Variants in STX17 observed in about 807,000 individuals in gnomAD.
The protein encoded by STX17 is syntaxin 17.
STX17 carries 29 observed loss-of-function variants against 35.9 expected under a neutral mutation model. The ratio of observed to expected loss-of-function variants is 0.81; its 90% confidence interval spans 0.60 to 1.10. The LOEUF (loss-of-function observed/expected upper bound fraction) is 1.10, where lower values mean the gene tolerates loss of function less well. Ranked by LOEUF, STX17 falls within the 50% of genes least tolerant of loss-of-function variation. The probability of loss-of-function intolerance (pLI) is 0.00; values close to 1 mark genes in which losing one functional copy is unlikely to be tolerated. For synonymous variants in STX17, 92 were observed against 118.3 expected (o/e 0.78, Z 1.44); for missense variants, 312 against 352.3 (o/e 0.89, Z 0.92).
In STX17 at chr9:99,965,283, A is replaced by C. The variant is rs144461660; in HGVS notation, c.583-2370A>C. On this transcript the variant is annotated intron_variant, in intron 6 of 7. Transcript: ENST00000259400. ...TAAAATTTTGCTTTAATTTTTAAAA[A>C]GTCATAGAAGTACAATATCCAACCC... is the stretch of plus-strand genomic sequence containing the variant. Among the ~76,000 whole-genome samples, 36 of 152,352 alleles carry C rather than the reference A, an allele frequency of 2.4e-4. No individual in the cohort carries two copies. The East Asian group carries it at 6.4e-3, about 27-fold the overall frequency.
At chr9:99,927,910 A>T (rs1829022554) in intron 2 of STX17, among the ~76,000 whole-genome samples, 1 of 152,198 alleles carries the variant, frequency 6.6e-6, no homozygotes, top group African/African-American at 2.4e-5. Context: ...GGAATATAAA[A>T]ATGCCCTAGA....
rs2118563104 is a variant in STX17, at chr9:99,971,305, ACATAAT to A, written c.*2634_*2639del. Among the ~76,000 whole-genome samples, 1 of 147,640 alleles carries A rather than the reference ACATAAT, an allele frequency of 6.8e-6. No homozygotes were observed. Among genetic ancestry groups the A allele is most frequent in the Non-Finnish European group, 1.5e-5 (1 of 66,904 alleles). Reference sequence around the variant, plus strand: ...CCTAAGGACTTTTTTTTTTTTTTTAACATAATCTGAGAATTTCTCTGTAGAGCAGAG... The same window carrying A: ...CCTAAGGACTTTTTTTTTTTTTTTAACTGAGAATTTCTCTGTAGAGCAGAG... On this transcript the variant is annotated 3_prime_UTR_variant, in exon 8 of 8. Coordinates refer to ENST00000259400, the MANE Select transcript of STX17 (RefSeq NM_017919.3).
chr9:99,964,668 T>C (rs1829882848), intron 6 of STX17, among the ~76,000 whole-genome samples: 1 of 152,130 alleles, frequency 6.6e-6, no homozygotes, highest in South Asian at 2.1e-4. Context: ...AGGAGGCTCC[T>C]GCACCACCAT....
At chr9:99,945,104 T>C (rs1008520888) in intron 3 of STX17, among the ~76,000 whole-genome samples, 2 of 152,196 alleles carry the variant, frequency 1.3e-5, no homozygotes, top group African/African-American at 4.8e-5. Context: ...TAATGTTCTA[T>C]ATAATTTATA....
rs1333078914 is a variant in STX17 at position 99,960,095 on chromosome 9, T to G, written c.532-10T>G. The G allele has an allele frequency of 6.2e-7, 1 of 1,613,954 alleles. No homozygotes were observed. The highest frequency in any genetic ancestry group is 2.2e-5 in the East Asian group (1 of 44,860). ...GCATAAAAGTAACTTCCTCTCCCTT[T>G]CTTTTAAAGGACTTAATTGAACTTA... On this transcript the variant is annotated splice_polypyrimidine_tract_variant and intron_variant, in intron 5 of 7. Coordinates refer to ENST00000259400, the MANE Select transcript of STX17 (RefSeq NM_017919.3).
intron 6 of STX17, 114 bp downstream of exon 6, chr9:99,960,269 G>A (rs1461567925): frequency 6.5e-6 from 7 of 1,070,932 alleles, no homozygotes; most frequent in South Asian, 4.5e-5. Context: ...TTTAAGACTG[G>A]TATTAAGCCA....
At chr9:99,954,504 A>G (rs976677981) in intron 4 of STX17, among the ~76,000 whole-genome samples, 2 of 152,098 alleles carry the variant, frequency 1.3e-5, no homozygotes, top group South Asian at 4.1e-4. Context: ...ACTAATTTAC[A>G]TAAGACTTTA....
At chr9:99,937,579 C>G (rs73656923) in intron 3 of STX17, among the ~76,000 whole-genome samples, 1 of 152,052 alleles carries the variant, frequency 6.6e-6, no homozygotes, top group Non-Finnish European at 1.5e-5. Context: ...TGTAGTTTTC[C>G]CCTCCAGAAT....
Position 99,947,476 on chromosome 9 carries a change from G to A in STX17, c.190-3584G>A, listed in dbSNP as rs145232245. On this transcript the variant is annotated intron_variant, in intron 3 of 7. Coordinates refer to ENST00000259400, the MANE Select transcript of STX17 (RefSeq NM_017919.3). ...TGCTGCATATGTCCTCATGTGCTTG[G>A]TAATCTTTGATTGGTGGACATTGTA... is the stretch of plus-strand genomic sequence containing the variant. Among the ~76,000 whole-genome samples the A allele has an allele frequency of 1.5e-3, 230 of 152,166 alleles. 2 individuals are homozygous for A. In the East Asian group the frequency reaches 0.034, roughly 23 times the overall value.
intron 2 of STX17, among the ~76,000 whole-genome samples, chr9:99,919,889 A>C (rs1828855946): frequency 6.6e-6 from 1 of 152,246 alleles, no homozygotes. Context: ...AATGGATGGC[A>C]TGGGCTATTC....
At chr9:99,934,505 A>G (rs1829187366) in intron 3 of STX17, among the ~76,000 whole-genome samples, 1 of 152,182 alleles carries the variant, frequency 6.6e-6, no homozygotes, top group South Asian at 2.1e-4. Context: ...AGAAGTCATT[A>G]TATTAGTATC....
rs760999036 is a variant in STX17, at chr9:99,971,914, A to G, written c.*3241A>G. On this transcript the variant is annotated 3_prime_UTR_variant, in exon 8 of 8. Transcript: ENST00000259400. ...ATAGCACACACCTGTGGTCCCAGCT[A>G]CATGGGAAGCTGAAGTGGGAGGATC... is the stretch of plus-strand genomic sequence containing the variant. Among the ~76,000 whole-genome samples the G allele has an allele frequency of 2.6e-5, 4 of 152,174 alleles. No individual in the cohort carries two copies. The highest frequency in any genetic ancestry group is 4.1e-4 in the South Asian group (2 of 4,836).
chr9:99,921,675 T>C (rs979760311), intron 2 of STX17, among the ~76,000 whole-genome samples: 12 of 151,548 alleles, frequency 7.9e-5, no homozygotes, highest in African/African-American at 2.9e-4. Context: ...TGCAGTGTTT[T>C]AAATATACTT....
chr9:99,909,062 A>C (rs1333603621), intron 1 of STX17, among the ~76,000 whole-genome samples: 1 of 152,224 alleles, frequency 6.6e-6, no homozygotes, highest in Non-Finnish European at 1.5e-5. Flanking sequence ...CCTAGTATAC[A>C]CATAAAGTAA....
At chr9:99,906,979 G>A (rs1323027101) in intron 1 of STX17, 1 of 152,286 alleles carries the variant, frequency 6.6e-6, no homozygotes, top group Non-Finnish European at 1.5e-5. Context: ...AAAGTTTCCG[G>A]CGCGCGTCCT....
At chr9:99,917,836 A>G (rs371432343) in intron 2 of STX17, among the ~76,000 whole-genome samples, 2 of 152,254 alleles carry the variant, frequency 1.3e-5, no homozygotes, top group African/African-American at 2.4e-5. Context: ...TGGATAAGGT[A>G]CAAGAGGCAG....
chr9:99,949,791 G>A (rs1829555596), intron 3 of STX17, among the ~76,000 whole-genome samples: 1 of 151,876 alleles, frequency 6.6e-6, no homozygotes, highest in Admixed American at 6.6e-5. Context: ...TAAAGGGATT[G>A]TTTCTTTGTT....
intron 3 of STX17, chr9:99,929,080 A>G (rs1386926465): frequency 1.7e-5 from 6 of 344,338 alleles, no homozygotes; most frequent in Non-Finnish European, 3.2e-5. Context: ...CACAAGCAAT[A>G]CATTTTGTAA....
intron 1 of STX17, among the ~76,000 whole-genome samples, chr9:99,910,676 G>C (rs907886721): frequency 1.3e-5 from 2 of 152,024 alleles, no homozygotes; most frequent in Non-Finnish European, 2.9e-5. Context: ...TTATTTCTTT[G>C]TGTTAGGAGC....
Sources: allele counts gnomAD v4.1 joint callset (sites outside exome capture counted in the v4.1 genomes callset), GRCh38; gene constraint gnomAD v4.1.1; transcripts MANE v1.5; gene names NCBI Gene and HGNC (gene_info 2026-07-23, HGNC 2026-07-21).